COL4A6: variants seen among roughly 807,000 people sequenced by gnomAD.
The protein encoded by COL4A6 is collagen type IV alpha 6 chain.
A neutral mutation model predicts 126.7 loss-of-function variants in COL4A6; 59 were observed. The observed-to-expected ratio is 0.47, with a 90% CI of 0.38 to 0.58. The LOEUF is 0.58. Ranked by LOEUF, COL4A6 falls within the 20% of genes least tolerant of loss-of-function variation. The pLI is 0.00. For missense variants in COL4A6, 1,285 were observed against 1,337.3 expected, an observed-to-expected ratio of 0.96 and a Z score of 0.61; for synonymous variants, 547 against 496.6, an observed-to-expected ratio of 1.10 and a Z score of -1.35.
chrX:108,363,991 C>A (rs2040144541), intron 2 of COL4A6, among the ~76,000 whole-genome samples: 1 of 110,578 alleles, frequency 9.0e-6, no homozygotes, highest in South Asian at 4.0e-4. Context: ...CACACCTCAG[C>A]CTTCTGAGTG....
intron 8 of COL4A6, among the ~76,000 whole-genome samples, chrX:108,207,042 A>T (rs1264373067): frequency 9.0e-6 from 1 of 111,728 alleles, no homozygotes; most frequent in Non-Finnish European, 1.9e-5. Flanking sequence ...GATTACATAC[A>T]AGTATGCATT....
In COL4A6 at chrX:108,176,824, C is replaced by T; in HGVS notation, c.2686+17G>A. ...TTTTTGGCAACCACTGGTCACTTCACTGATCACTTCACTTACCCTTGGGTC... is the reference window on the plus strand; with the variant it reads ...TTTTTGGCAACCACTGGTCACTTCATTGATCACTTCACTTACCCTTGGGTC... On this transcript the variant is annotated intron_variant, in intron 28 of 44. Coordinates refer to ENST00000334504, the MANE Select transcript of COL4A6 (RefSeq NM_033641.4). 1 of 1,194,516 alleles carries T rather than the reference C, an allele frequency of 8.4e-7. No homozygotes were observed. The highest frequency in any genetic ancestry group is 1.1e-6 in the Non-Finnish European group (1 of 888,963).
In COL4A6 at chrX:108,209,903, A is replaced by T. The variant is rs768522246; in HGVS notation, c.546+66T>A. The T allele has an allele frequency of 3.2e-5, 37 of 1,141,990 alleles. No homozygotes were observed. The East Asian group carries it at 1.0e-3, about 32-fold the overall frequency. 94.1% of individuals were successfully genotyped at this position (1,141,990 alleles called of 1,213,427 possible). Reference sequence around the variant, plus strand: ...AAGACCTTAGAACATCATAGAGAAGAACGAAAATGCACCATTAGTGATTTT... The same window carrying T: ...AAGACCTTAGAACATCATAGAGAAGTACGAAAATGCACCATTAGTGATTTT... On this transcript the variant is annotated intron_variant, in intron 8 of 44. Transcript: ENST00000334504.
At chrX:108,174,827 T>C (rs773475269) in intron 30 of COL4A6, among the ~76,000 whole-genome samples, 1 of 111,284 alleles carries the variant, frequency 9.0e-6, no homozygotes, top group African/African-American at 3.3e-5. Context: ...AGCAGCACAG[T>C]GCTCAGGGTC....
intron 2 of COL4A6, among the ~76,000 whole-genome samples, chrX:108,431,767 A>T (rs1425513339): frequency 9.0e-6 from 1 of 111,525 alleles, no homozygotes; most frequent in African/African-American, 3.3e-5. Context: ...TCTGCCCTCA[A>T]TGTGGGCTGG....
At chrX:108,316,296 G>T (rs1309017630) in intron 2 of COL4A6, among the ~76,000 whole-genome samples, 2 of 112,013 alleles carry the variant, frequency 1.8e-5, no homozygotes, top group Non-Finnish European at 3.8e-5. Flanking sequence ...TTAGAGATGG[G>T]TGATAGTGGC....
At chrX:108,342,212 A>G (rs1216012522) in intron 2 of COL4A6, among the ~76,000 whole-genome samples, 1 of 112,250 alleles carries the variant, frequency 8.9e-6, no homozygotes, top group Non-Finnish European at 1.9e-5. Context: ...TCCCCTTGCA[A>G]TGGTGCTACA....
At chrX:108,424,261 A>G (rs2064033354) in intron 2 of COL4A6, among the ~76,000 whole-genome samples, 1 of 111,685 alleles carries the variant, frequency 9.0e-6, no homozygotes, top group Admixed American at 9.6e-5. Context: ...ATGGGGTGGC[A>G]GCACTCTGAT....
rs759454922 is a variant in COL4A6 at position 108,190,453 on chromosome X, C to A, written c.1365G>T (p.Gly455=). ...ETETLHNKES[G]FPGLRGEQGP... ...CTTGTTCTCCTCGGAGACCAGGGAA[C>A]CCTGACTCTTTGTTGTGTAGAGTTT... The change falls in exon 20 of 45, where the codon GGG becomes GGT. Residue 455 remains glycine (G), a synonymous_variant. Transcript: ENST00000334504. 2.5e-6 allele frequency: 3 copies of A among 1,204,456 alleles called. No individual in the cohort carries two copies. Among genetic ancestry groups the A allele is most frequent in the Admixed American group, 2.2e-5 (1 of 45,508 alleles).
At chrX:108,297,414 C>T (rs747264780) in intron 3 of COL4A6, among the ~76,000 whole-genome samples, 1 of 111,075 alleles carries the variant, frequency 9.0e-6, no homozygotes, top group African/African-American at 3.3e-5. Context: ...CTGGATAATT[C>T]TATGTTGTGA....
In COL4A6 at chrX:108,187,864, C is replaced by G; in HGVS notation, c.1751G>C (p.Gly584Ala). The change falls in exon 22 of 45, where the codon GGT (glycine) becomes GCT (alanine). Residue 584 changes from glycine to alanine, a missense_variant. By Grantham distance (60) the Gly-to-Ala change is moderately conservative. Coordinates refer to ENST00000334504, the MANE Select transcript of COL4A6 (RefSeq NM_033641.4). ...PGKDGVPGLP[G>A]LPGLPGDGGQ... ...TCAACTTACCGGAAGGCCTGGCAGA[C>G]CTGGTAAACCTGGTACTCCGTCCTT... 1 of 1,205,196 alleles carries G rather than the reference C, an allele frequency of 8.3e-7. No homozygotes were observed. The highest frequency in any genetic ancestry group is 1.8e-5 in the South Asian group (1 of 55,802).
intron 2 of COL4A6, among the ~76,000 whole-genome samples, chrX:108,410,201 G>T (rs2041298425): frequency 9.0e-6 from 1 of 111,081 alleles, no homozygotes. Context: ...TGATTGCATG[G>T]CCACTAAGTC....
intron 5 of COL4A6, 64 bp from the exon 6 acceptor site, chrX:108,214,292 C>A: frequency 1.2e-6 from 1 of 819,090 alleles, no homozygotes; most frequent in Non-Finnish European, 1.8e-6. Flanking sequence ...TAAATGGCTC[C>A]ACAGCGAGAA....
chrX:108,362,080 T>TGA (rs1211940117), intron 2 of COL4A6, among the ~76,000 whole-genome samples: 39 of 106,004 alleles, frequency 3.7e-4, no homozygotes, highest in African/African-American at 1.2e-3. Flanking sequence ...TGTGTGTGTG[T>TGA]GAGAGAGAGA....
At chrX:108,310,322 C>A (rs1395917700) in intron 3 of COL4A6, among the ~76,000 whole-genome samples, 2 of 111,956 alleles carry the variant, frequency 1.8e-5, no homozygotes, top group East Asian at 5.6e-4. Context: ...TCTCTTGAGT[C>A]TATCACTAAC....
chrX:108,424,774 T>C (rs186690138), intron 2 of COL4A6, among the ~76,000 whole-genome samples: 31 of 111,675 alleles, frequency 2.8e-4, no homozygotes, highest in African/African-American at 9.8e-4. Flanking sequence ...CCCAGAACTT[T>C]AGGAGGCCAA....
chrX:108,313,915 C>G (rs2038821118), intron 2 of COL4A6, among the ~76,000 whole-genome samples: 1 of 111,362 alleles, frequency 9.0e-6, no homozygotes, highest in African/African-American at 3.3e-5. Context: ...CAGTGATTCT[C>G]TCAAATGATA....
Position 108,187,223 on chromosome X carries a change from T to G in COL4A6, c.1824A>C (p.Glu608Asp). The change falls in exon 23 of 45, where the codon GAA becomes GAC. Residue 608 changes from glutamate (E) to aspartate (D), a missense_variant. By Grantham distance (45) the Glu-to-Asp change is conservative. Coordinates refer to ENST00000334504, the MANE Select transcript of COL4A6 (RefSeq NM_033641.4). ...GEKGLPGLPG[E>D]KGHPGPPGLP... ...GGCCAGGTGGACCAGGATGGCCTTT[T>G]TCACCAGGAAGTCCAGGTAACCCCT... 2 of 1,193,019 alleles carry G rather than the reference T, an allele frequency of 1.7e-6. No homozygotes were observed. The highest frequency in any genetic ancestry group is 2.3e-6 in the Non-Finnish European group (2 of 883,728).
chrX:108,271,594 C>A (rs975005855), intron 3 of COL4A6, among the ~76,000 whole-genome samples: 3 of 111,356 alleles, frequency 2.7e-5, no homozygotes, highest in Non-Finnish European at 5.7e-5. Flanking sequence ...GAGGAACAAC[C>A]ATCTGCTGCT....
Sources: gnomAD v4.1 joint callset for allele counts (sites outside exome capture counted in the v4.1 genomes callset) on GRCh38, gnomAD v4.1.1 for gene constraint, MANE v1.5 for transcripts, NCBI Gene and HGNC (gene_info 2026-07-23, HGNC 2026-07-21) for gene names.